Variants in XIRP2 observed in about 807,000 individuals in gnomAD.
XIRP2 encodes the protein xin actin-binding repeat-containing protein 2.
A neutral mutation model predicts 277.0 loss-of-function variants in XIRP2; 236 were observed. The ratio of observed to expected loss-of-function variants is 0.85; its 90% CI spans 0.77 to 0.95. The LOEUF is 0.95. XIRP2 is among the 40% of genes least tolerant of loss of function. The pLI is 0.00. For synonymous variants in XIRP2, 1,490 were observed against 1,416.5 expected (o/e 1.05, Z -1.17); for missense variants, 4,640 against 4,157.5 (o/e 1.12, Z -3.19).
Position 167,076,110 on chromosome 2 carries a change from G to A in XIRP2, c.409-59799G>A, listed in dbSNP as rs188302959. Among the ~76,000 whole-genome samples the A allele has an allele frequency of 2.1e-3, 316 of 152,214 alleles. 3 individuals are homozygous for A. The highest frequency in any genetic ancestry group is 7.5e-3 in the African/African-American group (312 of 41,532). On this transcript the variant is annotated intron_variant, in intron 2 of 10. Coordinates refer to ENST00000409195, the MANE Select transcript of XIRP2 (RefSeq NM_152381.6). ...ATATGCAGAGGATGGTATCATGAGA[G>A]TGGGCAACAGATGTTTACTGATTAT...
chr2:167,088,821 A>G (rs1690048298), intron 2 of XIRP2, among the ~76,000 whole-genome samples: 2 of 152,092 alleles, frequency 1.3e-5, no homozygotes, highest in South Asian at 2.1e-4. Context: ...TTTAGCTTAT[A>G]CTTCACATTT....
intron 5 of XIRP2, among the ~76,000 whole-genome samples, chr2:167,233,522 A>G (rs577347571): frequency 6.6e-6 from 1 of 151,914 alleles, no homozygotes; most frequent in South Asian, 2.1e-4. Flanking sequence ...GTTCTAGGGT[A>G]AAGAGGGCAC....
At chr2:166,986,763 G>T (rs990277171) in intron 2 of XIRP2, among the ~76,000 whole-genome samples, 2 of 152,186 alleles carry the variant, frequency 1.3e-5, no homozygotes, top group African/African-American at 4.8e-5. Context: ...TTTTCGTGCT[G>T]TGAAATGCTG....
At chr2:167,240,577 T>A in intron 6 of XIRP2, 87 bp from the exon 7 acceptor site, 1 of 1,174,574 alleles carries the variant, frequency 8.5e-7, no homozygotes, top group Non-Finnish European at 1.3e-6. Flanking sequence ...TGGGTGAAAA[T>A]CACTGTAAAA....
intron 3 of XIRP2, among the ~76,000 whole-genome samples, chr2:167,181,751 C>G (rs1374337081): frequency 3.9e-5 from 6 of 152,090 alleles, no homozygotes; most frequent in African/African-American, 1.4e-4. Context: ...CCTTTAAACA[C>G]TGACGTAACT....
chr2:167,021,703 T>A (rs1457498630), intron 2 of XIRP2, among the ~76,000 whole-genome samples: 1 of 152,008 alleles, frequency 6.6e-6, no homozygotes, highest in Non-Finnish European at 1.5e-5. Context: ...GGCACACCTG[T>A]AGTCCCAGCT....
chr2:167,084,532 G>C (rs1018793237), intron 2 of XIRP2, among the ~76,000 whole-genome samples: 7 of 151,392 alleles, frequency 4.6e-5, no homozygotes, highest in Non-Finnish European at 8.9e-5. Flanking sequence ...GTTCCTCCTT[G>C]TACCTCTGGT....
intron 2 of XIRP2, among the ~76,000 whole-genome samples, chr2:167,066,107 T>C (rs1292601049): frequency 6.6e-6 from 1 of 151,646 alleles, no homozygotes; most frequent in African/African-American, 2.4e-5. Context: ...GGATTTACCC[T>C]CTTAATAAAT....
intron 3 of XIRP2, among the ~76,000 whole-genome samples, chr2:167,193,056 C>T (rs1005906339): frequency 2.0e-5 from 3 of 152,160 alleles, no homozygotes; most frequent in Admixed American, 6.5e-5. Context: ...ATCATCCCTT[C>T]ATCATCCAGA....
intron 2 of XIRP2, among the ~76,000 whole-genome samples, chr2:166,938,687 C>G (rs1304266765): frequency 6.6e-6 from 1 of 152,118 alleles, no homozygotes; most frequent in Non-Finnish European, 1.5e-5. Context: ...CTAATGTTGA[C>G]AGTGGGGTTT....
chr2:167,035,014 T>C (rs560727164), intron 2 of XIRP2, among the ~76,000 whole-genome samples: 9 of 152,328 alleles, frequency 5.9e-5, no homozygotes, highest in African/African-American at 1.9e-4. Context: ...TGCTTCTTCC[T>C]CATTCTCTCT....
intron 2 of XIRP2, among the ~76,000 whole-genome samples, chr2:166,942,838 A>G (rs1262434456): frequency 6.6e-6 from 1 of 152,212 alleles, no homozygotes; most frequent in Non-Finnish European, 1.5e-5. Context: ...ACTCTACAGC[A>G]TCAACCAAAT....
chr2:167,192,388 A>T (rs888507299), intron 3 of XIRP2, among the ~76,000 whole-genome samples: 1 of 152,218 alleles, frequency 6.6e-6, no homozygotes, highest in Admixed American at 6.5e-5. Context: ...TTGATTCAGC[A>T]CTGCCCTAAT....
At chr2:166,905,250 A>T (rs1204400260) in intron 2 of XIRP2, among the ~76,000 whole-genome samples, 1 of 152,040 alleles carries the variant, frequency 6.6e-6, no homozygotes, top group Non-Finnish European at 1.5e-5. Flanking sequence ...GCCACAGAAA[A>T]TAATTTCCAT....
At chr2:167,090,938 G>A (rs1690127889) in intron 2 of XIRP2, among the ~76,000 whole-genome samples, 1 of 152,060 alleles carries the variant, frequency 6.6e-6, no homozygotes, top group Non-Finnish European at 1.5e-5. Flanking sequence ...ATGAGCTTTG[G>A]TGAGGACAAA....
intron 2 of XIRP2, among the ~76,000 whole-genome samples, chr2:167,021,003 T>A (rs1687966549): frequency 6.6e-6 from 1 of 152,102 alleles, no homozygotes; most frequent in Non-Finnish European, 1.5e-5. Flanking sequence ...TCCACATAAA[T>A]GGCTGTCTAG....
In XIRP2 at chr2:167,214,297, G is replaced by GGAAGGA. The variant is rs1553500708; in HGVS notation, c.723+3402_723+3403insGAAGGA. ...AAAGAGAGGGAGGGAGGGAGGGAGG[G>GGAAGGA]AGGAAGGAAGGAAGGAAGGAAGGAA... On this transcript the variant is annotated intron_variant, in intron 4 of 10. Coordinates refer to ENST00000409195, the MANE Select transcript of XIRP2 (RefSeq NM_152381.6). Among the ~76,000 whole-genome samples the GGAAGGA allele has an allele frequency of 3.2e-4, 28 of 87,216 alleles. 2 individuals are homozygous for GGAAGGA. Among genetic ancestry groups the GGAAGGA allele is most frequent in the African/African-American group, 1.4e-3 (27 of 19,538 alleles). The allele number at this position is 87,216 out of a possible 152,430, so 57.2% of individuals were successfully genotyped here. A position where few individuals can be genotyped will look rare whatever the true frequency, so the allele number is the denominator to read the frequency against.
chr2:167,169,203 C>G (rs990746921), intron 3 of XIRP2, among the ~76,000 whole-genome samples: 2 of 152,120 alleles, frequency 1.3e-5, no homozygotes, highest in South Asian at 4.1e-4. Context: ...GAACATAATT[C>G]TCTAGTTTAT....
At chr2:167,212,671 T>C (rs935828787) in intron 4 of XIRP2, among the ~76,000 whole-genome samples, 4 of 152,200 alleles carry the variant, frequency 2.6e-5, no homozygotes, top group African/African-American at 9.7e-5. Flanking sequence ...GTCTCTTGAC[T>C]CTTGTGCTCT....
Sources: gnomAD v4.1 joint callset for allele counts (sites outside exome capture counted in the v4.1 genomes callset) on GRCh38, gnomAD v4.1.1 for gene constraint, MANE v1.5 for transcripts, NCBI Gene and HGNC (gene_info 2026-07-23, HGNC 2026-07-21) for gene names.